Variants in PPTC7 observed in about 807,000 individuals in gnomAD.
PPTC7 encodes the protein protein phosphatase PTC7 homolog.
PPTC7 carries 6 observed loss-of-function variants against 30.8 expected under a neutral mutation model. That is an observed-to-expected ratio of 0.19 (90% CI 0.11 to 0.38). PPTC7 has a LOEUF of 0.38. Ranked by LOEUF, PPTC7 falls within the 10% of genes least tolerant of loss-of-function variation. The pLI, the probability that PPTC7 is intolerant of heterozygous loss-of-function variation, is 1.00. For synonymous variants in PPTC7, 163 were observed against 168.1 expected (o/e 0.97, Z 0.23); for missense variants, 218 against 404.8 (o/e 0.54, Z 3.96).
chr12:110,545,337 C>T (rs2064297647), intron 3 of PPTC7, among the ~76,000 whole-genome samples: 2 of 152,232 alleles, frequency 1.3e-5, no homozygotes, highest in Non-Finnish European at 2.9e-5. Flanking sequence ...AAGTGATCCA[C>T]CCGCCTCAGC....
In PPTC7 at chr12:110,537,031, C is replaced by A; in HGVS notation, c.*6G>T. The A allele has an allele frequency of 6.2e-7, 1 of 1,609,924 alleles. No individual in the cohort carries two copies. Among genetic ancestry groups the A allele is most frequent in the Non-Finnish European group, 8.5e-7 (1 of 1,176,482 alleles). ...ATGAAAGGAAAGGCAGGACTTGACA[C>A]CTCAGCTAGTCTGTATACTCAGCCA... is the stretch of plus-strand genomic sequence containing the variant. On this transcript the variant is annotated 3_prime_UTR_variant, in exon 6 of 6. Transcript: ENST00000354300.
At chr12:110,549,414 T>C (rs1035231017) in intron 2 of PPTC7, among the ~76,000 whole-genome samples, 1 of 152,146 alleles carries the variant, frequency 6.6e-6, no homozygotes, top group Admixed American at 6.5e-5. Flanking sequence ...CTGGTAAAGT[T>C]GTCATGATTT....
intron 3 of PPTC7, among the ~76,000 whole-genome samples, chr12:110,541,500 G>A (rs2064258769): frequency 6.6e-6 from 1 of 151,396 alleles, no homozygotes; most frequent in African/African-American, 2.4e-5. Context: ...CTGAGGTCAG[G>A]AGTTTGAGAC....
At chr12:110,538,330 T>C in intron 4 of PPTC7, 57 bp from the exon 5 acceptor site, 1 of 1,506,192 alleles carries the variant, frequency 6.6e-7, no homozygotes. Context: ...GTAACATTTA[T>C]CTAACCACCT....
intron 1 of PPTC7, among the ~76,000 whole-genome samples, chr12:110,562,541 C>A (rs2064447157): frequency 6.6e-6 from 1 of 152,088 alleles, no homozygotes; most frequent in South Asian, 2.1e-4. Flanking sequence ...CACCTATAAT[C>A]CCGCACTTTG....
At chr12:110,571,537 C>T (rs1328213261) in intron 1 of PPTC7, among the ~76,000 whole-genome samples, 1 of 152,006 alleles carries the variant, frequency 6.6e-6, no homozygotes, top group African/African-American at 2.4e-5. Flanking sequence ...GGTGGGTTGC[C>T]CCTACAGTAT....
At chr12:110,575,523 A>G (rs1593167558) in intron 1 of PPTC7, among the ~76,000 whole-genome samples, 1 of 150,798 alleles carries the variant, frequency 6.6e-6, no homozygotes, top group Non-Finnish European at 1.5e-5. Flanking sequence ...TACTGTTGCA[A>G]CAATTCAGGT....
At chr12:110,549,420 G>T (rs184902731) in intron 2 of PPTC7, among the ~76,000 whole-genome samples, 1 of 152,046 alleles carries the variant, frequency 6.6e-6, no homozygotes, top group African/African-American at 2.4e-5. Context: ...AAGTTGTCAT[G>T]ATTTACAATT....
chr12:110,582,593 T>C (rs1425906031), intron 1 of PPTC7, among the ~76,000 whole-genome samples: 1 of 152,204 alleles, frequency 6.6e-6, no homozygotes, highest in Non-Finnish European at 1.5e-5. Context: ...ACTTGACCGC[T>C]GTGCGCCTTA....
At chr12:110,553,684 C>A (rs1319830183) in intron 1 of PPTC7, among the ~76,000 whole-genome samples, 1 of 152,050 alleles carries the variant, frequency 6.6e-6, no homozygotes, top group African/African-American at 2.4e-5. Context: ...GAGGCTGAGG[C>A]GGGAGGACTG....
intron 1 of PPTC7, 98 bp downstream of exon 1, chr12:110,582,711 C>G (rs768211759): frequency 4.4e-5 from 48 of 1,085,344 alleles, no homozygotes; most frequent in Non-Finnish European, 6.1e-5. Context: ...AGCGCTCTGG[C>G]TCCTTTCGCC....
At chr12:110,573,036 C>G (rs981994151) in intron 1 of PPTC7, among the ~76,000 whole-genome samples, 1 of 152,140 alleles carries the variant, frequency 6.6e-6, no homozygotes, top group African/African-American at 2.4e-5. Context: ...CCCGACACTA[C>G]GCCCAGCTAA....
rs2064217117 is a variant in PPTC7, at chr12:110,536,177, G to A, written c.*860C>T. ...TTGGGACCTAGAGTTCCCATTCAGG[G>A]GCATTCTATCAGACAACTAGGAGGA... is the stretch of plus-strand genomic sequence containing the variant. On this transcript the variant is annotated 3_prime_UTR_variant, in exon 6 of 6. Coordinates refer to ENST00000354300, the MANE Select transcript of PPTC7 (RefSeq NM_139283.2). 1 of 152,134 alleles carries A rather than the reference G, an allele frequency of 6.6e-6. No individual in the cohort carries two copies. The allele number at this position is 152,134 out of a possible 1,614,324, so 9.4% of individuals were successfully genotyped here.
In PPTC7 at chr12:110,539,189, A is replaced by G. The variant is rs755724350; in HGVS notation, c.726+633T>C. ...GAGGATCTTTAGGATGCCCCATTTTATATGAAGAAAATACTGCTTAAACAG... is the reference window on the plus strand; with the variant it reads ...GAGGATCTTTAGGATGCCCCATTTTGTATGAAGAAAATACTGCTTAAACAG... On this transcript the variant is annotated intron_variant, in intron 4 of 5. Coordinates refer to ENST00000354300, the MANE Select transcript of PPTC7 (RefSeq NM_139283.2). Among the ~76,000 whole-genome samples the G allele has an allele frequency of 3.3e-5, 5 of 152,206 alleles. No individual in the cohort carries two copies. The East Asian group carries it at 7.7e-4, about 23-fold the overall frequency.
rs1410290050 is a variant in PPTC7, at chr12:110,533,535, T to C, written c.*3502A>G. 6.6e-6 allele frequency: 1 copy of C among 152,218 alleles called. No individual in the cohort carries two copies. The highest frequency in any genetic ancestry group is 2.4e-5 in the African/African-American group (1 of 41,452). 9.4% of individuals were successfully genotyped at this position (152,218 alleles called of 1,614,324 possible). A position where few individuals can be genotyped will look rare whatever the true frequency, so the allele number is the denominator to read the frequency against. On this transcript the variant is annotated 3_prime_UTR_variant, in exon 6 of 6. Transcript: ENST00000354300. Reference sequence around the variant, plus strand: ...GTTCAATTTTGCAAAGAATTTAATTTTAAATAAATAGAATCCAAATATGTC... The same window carrying C: ...GTTCAATTTTGCAAAGAATTTAATTCTAAATAAATAGAATCCAAATATGTC...
intron 3 of PPTC7, among the ~76,000 whole-genome samples, chr12:110,542,673 CAAAAAAAA>C (rs765332697): frequency 3.0e-4 from 8 of 26,776 alleles, no homozygotes; most frequent in Admixed American, 4.6e-4. Context: ...GACTCTGTCT[CAAAAAAAA>C]AAAAAAAAAA....
chr12:110,578,159 A>C (rs2135798307), intron 1 of PPTC7, among the ~76,000 whole-genome samples: 1 of 152,290 alleles, frequency 6.6e-6, no homozygotes, highest in East Asian at 1.9e-4. Context: ...GAGGTGAAAA[A>C]AACTAGACTC....
chr12:110,563,676 G>C (rs2064457340), intron 1 of PPTC7, among the ~76,000 whole-genome samples: 2 of 151,130 alleles, frequency 1.3e-5, no homozygotes, highest in African/African-American at 4.9e-5. Flanking sequence ...CAAAATCAAA[G>C]CTGTAGTAAG....
In PPTC7 at chr12:110,537,443, T is replaced by C. The variant is rs766239274; in HGVS notation, c.857-348A>G. Reference sequence around the variant, plus strand: ...CACAATCCTAATTTAGACAGACATATCCAATGTTTTGAAACTAGGAATAGC... The same window carrying C: ...CACAATCCTAATTTAGACAGACATACCCAATGTTTTGAAACTAGGAATAGC... On this transcript the variant is annotated intron_variant, in intron 5 of 5. Transcript: ENST00000354300. Among the ~76,000 whole-genome samples the C allele has an allele frequency of 1.4e-4, 21 of 152,310 alleles. No homozygotes were observed. In the South Asian group the frequency reaches 4.3e-3, roughly 32 times the overall value.
Sources: gnomAD v4.1 joint callset for allele counts (sites outside exome capture counted in the v4.1 genomes callset) on GRCh38, gnomAD v4.1.1 for gene constraint, MANE v1.5 for transcripts, NCBI Gene and HGNC (gene_info 2026-07-23, HGNC 2026-07-21) for gene names.